IL1F10: variants seen among roughly 807,000 people sequenced by gnomAD.
The protein encoded by IL1F10 is interleukin 1 family member 10.
IL1F10 carries 13 observed loss-of-function variants against 13.1 expected under a neutral mutation model. The observed-to-expected ratio is 0.99, with a 90% CI of 0.64 to 1.57. IL1F10 has a LOEUF of 1.57. Ranked by LOEUF, IL1F10 falls within the 40% of genes most tolerant of loss-of-function variation. The pLI is 0.00. For synonymous variants in IL1F10, 78 were observed against 68.2 expected (o/e 1.14, Z -0.71); for missense variants, 191 against 184.1 (o/e 1.04, Z -0.22).
chr2:113,072,431 T>C (rs967143138), intron 1 of IL1F10: 1 of 321,746 alleles, frequency 3.1e-6, no homozygotes, highest in Non-Finnish European at 5.7e-6. Flanking sequence ...TTTGGGGGAA[T>C]CTGTTTTCCA....
At position 113,074,553 on chromosome 2, in the gene IL1F10, T is replaced by A. The variant is rs1435436415; in HGVS notation, c.118+139T>A. ...GCCAGAGAGCAGCTGTGGCCTCTCC[T>A]AGCGAGGGGACATGACTCCTGCAGA... is the stretch of plus-strand genomic sequence containing the variant. On this transcript the variant is annotated intron_variant, in intron 3 of 4. Transcript: ENST00000341010. The A allele has an allele frequency of 4.6e-6, 5 of 1,078,946 alleles. No individual in the cohort carries two copies. The Admixed American group carries it at 8.5e-5, about 18-fold the overall frequency. The allele number at this position is 1,078,946 out of a possible 1,614,324, so 66.8% of individuals were successfully genotyped here. A position where few individuals can be genotyped will look rare whatever the true frequency, so the allele number is the denominator to read the frequency against.
intron 1 of IL1F10, chr2:113,072,443 T>C (rs1685851491): frequency 2.8e-6 from 1 of 355,322 alleles, no homozygotes. Context: ...TGTTTTCCAG[T>C]TTCTCAGAAC....
At chr2:113,074,995 T>C in intron 4 of IL1F10, 145 bp downstream of exon 4, 1 of 1,224,266 alleles carries the variant, frequency 8.2e-7, no homozygotes, top group Non-Finnish European at 1.2e-6. Flanking sequence ...CCTCTGCACC[T>C]AGCACCAAGA....
chr2:113,072,880 G>A, intron 2 of IL1F10, 110 bp downstream of exon 2: 2 of 912,306 alleles, frequency 2.2e-6, no homozygotes, highest in Non-Finnish European at 3.5e-6. Context: ...GAAATTGCAA[G>A]TGCCCCATAA....
chr2:113,071,891 C>T (rs72827868), intron 1 of IL1F10, among the ~76,000 whole-genome samples: 1,865 of 152,250 alleles, frequency 0.012, 18 homozygotes, highest in Non-Finnish European at 0.016. Context: ...GTCATACTTG[C>T]GTTACTTTCC....
chr2:113,074,488 A>C, intron 3 of IL1F10, 74 bp downstream of exon 3: 1 of 1,282,650 alleles, frequency 7.8e-7, no homozygotes, highest in Non-Finnish European at 1.1e-6. Flanking sequence ...TTTCCTCCCC[A>C]GCAGAGGGTC....
intron 2 of IL1F10, 143 bp from the exon 3 acceptor site, chr2:113,074,186 T>C: frequency 1.6e-6 from 1 of 638,796 alleles, no homozygotes. Flanking sequence ...CTCTTGGGAG[T>C]GACCATTCCC....
rs1380770622 is a variant in IL1F10 at position 113,074,821 on chromosome 2, A to G, written c.217A>G (p.Thr73Ala). 6.2e-7 allele frequency: 1 copy of G among 1,612,590 alleles called. No homozygotes were observed. Among genetic ancestry groups the G allele is most frequent in the African/African-American group, 1.3e-5 (1 of 74,798 alleles). ...GAGCCGCTGCCTGGCATGTGTGGAGACAGAAGAGGGGCCTTCCCTACAGCT... is the reference window on the plus strand; with the variant it reads ...GAGCCGCTGCCTGGCATGTGTGGAGGCAGAAGAGGGGCCTTCCCTACAGCT... ...GGSRCLACVE[T>A]EEGPSLQLED... The change falls in exon 4 of 5, where the codon ACA (threonine) becomes GCA (alanine). Residue 73 changes from threonine (T) to alanine (A), a missense_variant. Transcript: ENST00000341010.
chr2:113,072,429 A>G, intron 1 of IL1F10: 1 of 311,056 alleles, frequency 3.2e-6, no homozygotes, highest in Non-Finnish European at 6.0e-6. Flanking sequence ...TATTTGGGGG[A>G]ATCTGTTTTC....
chr2:113,074,509 C>T (rs1452581593), intron 3 of IL1F10, 95 bp downstream of exon 3: 2 of 1,147,456 alleles, frequency 1.7e-6, no homozygotes, highest in Non-Finnish European at 2.6e-6. Flanking sequence ...AGCAGCTGCC[C>T]CCAGTGACAG....
intron 1 of IL1F10, among the ~76,000 whole-genome samples, chr2:113,071,252 T>C (rs2105076868): frequency 6.6e-6 from 1 of 152,324 alleles, no homozygotes; most frequent in East Asian, 1.9e-4. Context: ...AAAACAAGCT[T>C]CTATAATATC....
rs1167177063 is a variant in IL1F10, at chr2:113,072,759, A to T, written c.21A>T (p.Ala7=). 1 of 1,613,398 alleles carries T rather than the reference A, an allele frequency of 6.2e-7. No homozygotes were observed. Among genetic ancestry groups the T allele is most frequent in the South Asian group, 1.1e-5 (1 of 90,824 alleles). The change falls in exon 2 of 5, where the codon GCA becomes GCT. Residue 7 remains alanine (A), a synonymous_variant. Coordinates refer to ENST00000341010, the MANE Select transcript of IL1F10 (RefSeq NM_173161.3). MCSLPM[A]RYYIIKYADQ... ...CAGGAATGTGTTCCCTCCCCATGGC[A>T]AGATACTACATGTAAGTTGTCCTGG...
intron 4 of IL1F10, 147 bp downstream of exon 4, chr2:113,074,997 G>C (rs1352989148): frequency 2.5e-6 from 3 of 1,220,074 alleles, no homozygotes; most frequent in Non-Finnish European, 3.5e-6. Context: ...TCTGCACCTA[G>C]CACCAAGACC....
At chr2:113,068,453 GC>G (rs771224571) in intron 1 of IL1F10, among the ~76,000 whole-genome samples, 50 of 151,908 alleles carry the variant, frequency 3.3e-4, no homozygotes, top group Non-Finnish European at 6.6e-4. Context: ...CAAAGCAGCT[GC>G]CCTTTATCCT....
rs201983285 is a variant in IL1F10, at chr2:113,068,356, G to A, written c.-29+340G>A. Among the ~76,000 whole-genome samples the A allele has an allele frequency of 1.2e-4, 11 of 90,626 alleles. No individual in the cohort carries two copies. The South Asian group carries it at 1.9e-3, about 16-fold the overall frequency. 59.5% of individuals were successfully genotyped at this position (90,626 alleles called of 152,430 possible). A position where few individuals can be genotyped will look rare whatever the true frequency, so the allele number is the denominator to read the frequency against. ...TTTTGTTTTCGTTTTTTTTTTTTTT[G>A]TGCTCCTTGGTAGCTCCTCAGTGTC... is the stretch of plus-strand genomic sequence containing the variant. On this transcript the variant is annotated intron_variant, in intron 1 of 4. Coordinates refer to ENST00000341010, the MANE Select transcript of IL1F10 (RefSeq NM_173161.3).
intron 3 of IL1F10, 126 bp from the exon 4 acceptor site, chr2:113,074,597 A>G (rs1479443199): frequency 1.6e-6 from 2 of 1,263,774 alleles, no homozygotes; most frequent in Non-Finnish European, 2.3e-6. Context: ...CTCACCGTCC[A>G]GTCTGCATGC....
chr2:113,074,935 G>T (rs1685910689), intron 4 of IL1F10, 85 bp downstream of exon 4: 1 of 1,523,458 alleles, frequency 6.6e-7, no homozygotes, highest in African/African-American at 1.4e-5. Context: ...CCTATCTGTG[G>T]ATTCCCAGCC....
chr2:113,075,073 TGGCCAAGCC>T, intron 4 of IL1F10, 70 bp from the exon 5 acceptor site: 1 of 1,387,846 alleles, frequency 7.2e-7, no homozygotes, highest in Non-Finnish European at 9.8e-7. Flanking sequence ...GGTCCTTTTT[TGGCCAAGCC>T]CCAGAGGCCT....
chr2:113,074,157 C>T (rs892097617), intron 2 of IL1F10, among the ~76,000 whole-genome samples, 172 bp from the exon 3 acceptor site: 5 of 152,202 alleles, frequency 3.3e-5, no homozygotes, highest in African/African-American at 9.6e-5. Context: ...TGCTTTAAGG[C>T]TGGCCTGGTC....
Sources: gnomAD v4.1 joint callset for allele counts (sites outside exome capture counted in the v4.1 genomes callset) on GRCh38, gnomAD v4.1.1 for gene constraint, MANE v1.5 for transcripts, NCBI Gene and HGNC (gene_info 2026-07-23, HGNC 2026-07-21) for gene names.